Variants in ZFHX3 observed in about 807,000 individuals in gnomAD.
ZFHX3 encodes zinc finger homeobox 3, also known as zinc finger homeobox protein 3.
In ZFHX3, 42 loss-of-function variants were observed where a neutral mutation model predicts 279.1. That is an observed-to-expected ratio of 0.15 (90% confidence interval 0.12 to 0.19). The LOEUF is 0.19. Ranked by LOEUF, ZFHX3 falls within the 10% of genes least tolerant of loss-of-function variation. The pLI is 1.00. For missense variants in ZFHX3, 4,981 were observed against 4,754.0 expected (o/e 1.05, Z -1.40); for synonymous variants, 2,293 against 1,957.8 (o/e 1.17, Z -4.52).
At chr16:73,032,334 A>C (rs927731966) in intron 1 of ZFHX3, among the ~76,000 whole-genome samples, 8 of 152,226 alleles carry the variant, frequency 5.3e-5, no homozygotes, top group Non-Finnish European at 8.8e-5. Flanking sequence ...ACAAAAAAAC[A>C]AAAACAAAAA....
chr16:73,234,371 C>T (rs1017126860), intron 5 of ZFHX3, among the ~76,000 whole-genome samples: 2 of 152,176 alleles, frequency 1.3e-5, no homozygotes, highest in Admixed American at 6.5e-5. Context: ...CACAGCCATG[C>T]GCGCCAGCCA....
chr16:73,108,369 TGAG>T (rs1966330500), intron 7 of ZFHX3, among the ~76,000 whole-genome samples: 2 of 151,426 alleles, frequency 1.3e-5, no homozygotes, highest in South Asian at 4.2e-4. Flanking sequence ...ATGATGATGA[TGAG>T]GAGGAGGAAG....
At chr16:73,370,830 G>C (rs1597305237) in intron 3 of ZFHX3, among the ~76,000 whole-genome samples, 1 of 152,192 alleles carries the variant, frequency 6.6e-6, no homozygotes, top group African/African-American at 2.4e-5. Context: ...CCACAGGTCT[G>C]TCCTTCACTT....
chr16:72,904,776 G>A (rs546249622), intron 3 of ZFHX3, among the ~76,000 whole-genome samples: 2 of 70,902 alleles, frequency 2.8e-5, no homozygotes, highest in Admixed American at 2.3e-4. Context: ...CCTTGCCTGT[G>A]GGGGGGGTCC....
At chr16:73,698,416 T>C (rs1475770179) in intron 1 of ZFHX3, among the ~76,000 whole-genome samples, 1 of 152,130 alleles carries the variant, frequency 6.6e-6, no homozygotes, top group Admixed American at 6.5e-5. Context: ...TATCGGTGGG[T>C]GAACATTTGA....
chr16:72,818,802 C>T (rs1399384273), intron 5 of ZFHX3, among the ~76,000 whole-genome samples: 1 of 152,170 alleles, frequency 6.6e-6, no homozygotes, highest in African/African-American at 2.4e-5. Context: ...TATCTCGCTC[C>T]CGTATATCCC....
chr16:73,371,658 T>C (rs572900657), intron 3 of ZFHX3, among the ~76,000 whole-genome samples: 8 of 152,254 alleles, frequency 5.3e-5, no homozygotes, highest in African/African-American at 1.9e-4. Context: ...CTAGTGAGGC[T>C]CACAGAGGCA....
rs1316246250 is a variant in ZFHX3 at position 73,257,543 on chromosome 16, G to A, written c.-1193-407C>T. Among the ~76,000 whole-genome samples, 12 of 152,364 alleles carry A rather than the reference G, an allele frequency of 7.9e-5. No individual in the cohort carries two copies. In the East Asian group the frequency reaches 2.1e-3, roughly 27 times the overall value. On this transcript the variant is annotated intron_variant, in intron 4 of 17. Transcript: ENST00000641206. ...CATTTCAAATGAATGGGAAGTCAGA[G>A]AAGGCAAGCCAAGAAGAGTGACTAG... is the stretch of plus-strand genomic sequence containing the variant.
intron 3 of ZFHX3, among the ~76,000 whole-genome samples, chr16:73,365,583 T>C (rs2016515327): frequency 6.6e-6 from 1 of 152,212 alleles, no homozygotes; most frequent in Admixed American, 6.5e-5. Flanking sequence ...GAGACTTGGC[T>C]TGATGTCAGC....
chr16:72,800,202 T>G (rs1226214613), intron 7 of ZFHX3, 73 bp from the exon 8 acceptor site: 3 of 1,342,598 alleles, frequency 2.2e-6, no homozygotes, highest in Non-Finnish European at 3.2e-6. Flanking sequence ...AAAAATTATT[T>G]AATAAGCAAA....
intron 3 of ZFHX3, among the ~76,000 whole-genome samples, chr16:72,891,939 T>C (rs952044859): frequency 6.6e-6 from 1 of 152,214 alleles, no homozygotes; most frequent in Non-Finnish European, 1.5e-5. Context: ...CTAGTCCTGC[T>C]TGGATGTCTC....
At chr16:72,955,922 G>C (rs908598308) in intron 2 of ZFHX3, among the ~76,000 whole-genome samples, 1 of 151,990 alleles carries the variant, frequency 6.6e-6, no homozygotes, top group Non-Finnish European at 1.5e-5. Context: ...ATTCCTACTG[G>C]CTTAAAGAAA....
At chr16:73,402,946 G>A (rs1254502786) in intron 3 of ZFHX3, among the ~76,000 whole-genome samples, 1 of 151,870 alleles carries the variant, frequency 6.6e-6, no homozygotes, top group Non-Finnish European at 1.5e-5. Flanking sequence ...TATTCCATAA[G>A]ACAGTAGATT....
At chr16:72,803,156 A>AC (rs1442479283) in intron 7 of ZFHX3, among the ~76,000 whole-genome samples, 1 of 152,060 alleles carries the variant, frequency 6.6e-6, no homozygotes, top group Non-Finnish European at 1.5e-5. Flanking sequence ...ACATGGTGAA[A>AC]CCCCATCTCT....
At chr16:73,023,687 G>A (rs1964393641) in intron 1 of ZFHX3, among the ~76,000 whole-genome samples, 1 of 152,214 alleles carries the variant, frequency 6.6e-6, no homozygotes, top group Admixed American at 6.5e-5. Flanking sequence ...CTTAAAGTGA[G>A]TATTTTGAAG....
intron 4 of ZFHX3, among the ~76,000 whole-genome samples, chr16:72,877,306 G>A (rs762420967): frequency 9.2e-5 from 14 of 152,154 alleles, no homozygotes; most frequent in Non-Finnish European, 1.6e-4. Context: ...CTCTGGACTC[G>A]CAGCGCTGGG....
At chr16:73,781,625 A>T (rs1959475012) in intron 1 of ZFHX3, among the ~76,000 whole-genome samples, 1 of 152,220 alleles carries the variant, frequency 6.6e-6, no homozygotes, top group Non-Finnish European at 1.5e-5. Flanking sequence ...GCTGACTTTC[A>T]GTATAGATTA....
At chr16:73,309,848 T>C (rs916575146) in intron 4 of ZFHX3, among the ~76,000 whole-genome samples, 4 of 151,346 alleles carry the variant, frequency 2.6e-5, no homozygotes, top group Admixed American at 6.6e-5. Context: ...GCAGTTTAGT[T>C]AAAATTCTGT....
chr16:73,519,367 T>G (rs572094088), intron 2 of ZFHX3, among the ~76,000 whole-genome samples: 7 of 152,342 alleles, frequency 4.6e-5, no homozygotes, highest in African/African-American at 1.7e-4. Flanking sequence ...AATGTTTTTC[T>G]ACATATCTCT....
Sources: allele counts gnomAD v4.1 joint callset (sites outside exome capture counted in the v4.1 genomes callset), GRCh38; gene constraint gnomAD v4.1.1; transcripts MANE v1.5; gene names NCBI Gene and HGNC (gene_info 2026-07-23, HGNC 2026-07-21).